Variants in PLXDC1 observed in about 807,000 individuals in gnomAD.
The protein encoded by PLXDC1 is plexin domain-containing protein 1.
Under a neutral mutation model 61.3 loss-of-function variants are expected in PLXDC1, and 39 were observed. The ratio of observed to expected loss-of-function variants is 0.64; its 90% CI spans 0.49 to 0.83. The LOEUF is 0.83. PLXDC1 is among the 40% of genes least tolerant of loss of function. The probability of loss-of-function intolerance (pLI) is 0.00; values close to 1 mark genes in which losing one functional copy is unlikely to be tolerated. For synonymous variants in PLXDC1, 212 were observed against 254.5 expected, an observed-to-expected ratio of 0.83 and a Z score of 1.59; for missense variants, 596 against 666.5, an observed-to-expected ratio of 0.89 and a Z score of 1.17.
intron 7 of PLXDC1, among the ~76,000 whole-genome samples, chr17:39,103,572 G>A (rs1233983609): frequency 4.6e-5 from 7 of 151,964 alleles, no homozygotes; most frequent in South Asian, 2.1e-4. Flanking sequence ...ATGGCTGGGC[G>A]CGGTGGCTGA....
chr17:39,113,761 G>A (rs924492890), intron 2 of PLXDC1, among the ~76,000 whole-genome samples: 1 of 152,024 alleles, frequency 6.6e-6, no homozygotes, highest in African/African-American at 2.4e-5. Context: ...TGAGGCAGGA[G>A]GATCCCTTAA....
intron 1 of PLXDC1, among the ~76,000 whole-genome samples, chr17:39,142,113 C>T (rs1011350753): frequency 1.3e-5 from 2 of 152,156 alleles, no homozygotes; most frequent in African/African-American, 4.8e-5. Flanking sequence ...AGTAGCACCA[C>T]GCTCCTCCCC....
At chr17:39,138,586 A>C (rs1285061758) in intron 2 of PLXDC1, among the ~76,000 whole-genome samples, 2 of 152,098 alleles carry the variant, frequency 1.3e-5, no homozygotes, top group African/African-American at 4.8e-5. Flanking sequence ...GTATAAGCAA[A>C]TCCCTTGGAA....
chr17:39,106,073 C>T (rs1910582332), intron 6 of PLXDC1, 120 bp from the exon 7 acceptor site: 5 of 623,324 alleles, frequency 8.0e-6, no homozygotes, highest in Non-Finnish European at 1.4e-5. Flanking sequence ...GACTCCAAGA[C>T]ATTGGAAGCC....
chr17:39,114,330 C>T lies in PLXDC1; in HGVS notation c.256-4939G>A, dbSNP rs139999214. Reference sequence around the variant, plus strand: ...GTTGTCTGCCTCAGGACCTTGGTGCCGCCTGTGCCTCAAAATTTCTTCCCT... The same window carrying T: ...GTTGTCTGCCTCAGGACCTTGGTGCTGCCTGTGCCTCAAAATTTCTTCCCT... On this transcript the variant is annotated intron_variant, in intron 2 of 13. Coordinates refer to ENST00000315392, the MANE Select transcript of PLXDC1 (RefSeq NM_020405.5). Among the ~76,000 whole-genome samples the T allele has an allele frequency of 4.2e-3, 636 of 152,296 alleles. 1 individual carries two copies. Among genetic ancestry groups the T allele is most frequent in the Non-Finnish European group, 6.5e-3 (440 of 68,032 alleles).
rs116249003 is a variant in PLXDC1 at position 39,099,706 on chromosome 17, C to T, written c.811+6148G>A. The stretch of plus-strand genomic sequence containing the variant: ...GCTGTGTGACCAAGGATAAGTCACT[C>T]TACCTCTCTGAACATTTGTGTCCTC... On this transcript the variant is annotated intron_variant, in intron 7 of 13. Coordinates refer to ENST00000315392, the MANE Select transcript of PLXDC1 (RefSeq NM_020405.5). 3.7e-3 allele frequency among the ~76,000 whole-genome samples: 561 copies of T among 152,318 alleles called. 3 individuals are homozygous for T. Among genetic ancestry groups the T allele is most frequent in the African/African-American group, 0.012 (509 of 41,568 alleles).
upstream of PLXDC1, chr17:39,152,866 G>A: frequency 2.3e-6 from 1 of 429,956 alleles, no homozygotes; most frequent in Non-Finnish European, 3.9e-6. Context: ...TCCTCCTTCC[G>A]CCGGGCCCAG....
rs3025190 is a variant in PLXDC1, at chr17:39,150,440, A to G, written c.76+922T>C. Among the ~76,000 whole-genome samples, 1,022 of 152,224 alleles carry G rather than the reference A, an allele frequency of 6.7e-3. 13 individuals carry two copies. Among genetic ancestry groups the G allele is most frequent in the African/African-American group, 0.023 (959 of 41,514 alleles). ...CCCCACCTGAGGGGCACCCATGCCAATGATGCACAGGTATCTATCTTCTTA... is the reference window on the plus strand; with the variant it reads ...CCCCACCTGAGGGGCACCCATGCCAGTGATGCACAGGTATCTATCTTCTTA... On this transcript the variant is annotated intron_variant, in intron 1 of 13. Coordinates refer to ENST00000315392, the MANE Select transcript of PLXDC1 (RefSeq NM_020405.5).
At chr17:39,082,593 T>C (rs1334864546) in intron 9 of PLXDC1, among the ~76,000 whole-genome samples, 6 of 148,414 alleles carry the variant, frequency 4.0e-5, no homozygotes, top group African/African-American at 1.2e-4. Flanking sequence ...GAAAGGAGCA[T>C]TGGAAAGGAG....
chr17:39,126,778 A>C (rs1911322782), intron 2 of PLXDC1: 1 of 152,212 alleles, frequency 6.6e-6, no homozygotes, highest in Non-Finnish European at 1.5e-5. Flanking sequence ...GTACCCGGAG[A>C]CGTGAAGAGA....
At chr17:39,098,558 G>T (rs1373202544) in intron 7 of PLXDC1, among the ~76,000 whole-genome samples, 1 of 152,206 alleles carries the variant, frequency 6.6e-6, no homozygotes, top group Non-Finnish European at 1.5e-5. Flanking sequence ...AGCTGGGGAG[G>T]ACAATAAGTT....
chr17:39,087,639 C>G lies in PLXDC1; in HGVS notation c.875G>C (p.Ser292Thr), dbSNP rs1909791400. ...RIELDPSKVT[S>T]MSAVEFTPLP... is the part of the protein sequence containing the mutation. ...TGGGGTGAACTCCACGGCCGACATG[C>G]TGGTGACCTTGCTGGGGTCCAGCTC... Residue 292 changes from serine to threonine, a missense_variant, in exon 8 of 14, where the codon AGC (serine) becomes ACC (threonine). Transcript: ENST00000315392. 1 of 1,614,010 alleles carries G rather than the reference C, an allele frequency of 6.2e-7. No homozygotes were observed. Among genetic ancestry groups the G allele is most frequent in the Non-Finnish European group, 8.5e-7 (1 of 1,179,998 alleles).
Position 39,139,586 on chromosome 17 carries a change from C to G in PLXDC1, c.255+68G>C, listed in dbSNP as rs1231202264. 6.3e-6 allele frequency: 9 copies of G among 1,426,520 alleles called. No individual in the cohort carries two copies. In the East Asian group the frequency reaches 2.1e-4, roughly 33 times the overall value. 88.4% of individuals were successfully genotyped at this position (1,426,520 alleles called of 1,614,324 possible). ...GTGATTTGCATGTAGGACAAGCACA[C>G]CTGGGGCAGCTGGTGAGACCTCCCC... On this transcript the variant is annotated intron_variant, in intron 2 of 13. Coordinates refer to ENST00000315392, the MANE Select transcript of PLXDC1 (RefSeq NM_020405.5).
intron 10 of PLXDC1, 115 bp downstream of exon 10, chr17:39,078,989 A>G: frequency 1.2e-6 from 1 of 806,410 alleles, no homozygotes; most frequent in East Asian, 2.5e-5. Context: ...AAGGGAGGAT[A>G]TTGCCAAGAG....
chr17:39,064,673 C>T lies in PLXDC1; in HGVS notation c.*3167G>A, dbSNP rs1908828909. The T allele has an allele frequency of 6.6e-6, 1 of 152,118 alleles. No individual in the cohort carries two copies. The highest frequency in any genetic ancestry group is 1.5e-5 in the Non-Finnish European group (1 of 68,066). The allele number at this position is 152,118 out of a possible 1,614,324, so 9.4% of individuals were successfully genotyped here. On this transcript the variant is annotated 3_prime_UTR_variant, in exon 14 of 14. Transcript: ENST00000315392. ...GTTTTCCAGTTGCTCCGTGGTTTATCCTTTGTGAAGATGCAAGTGACAATC... is the reference window on the plus strand; with the variant it reads ...GTTTTCCAGTTGCTCCGTGGTTTATTCTTTGTGAAGATGCAAGTGACAATC...
Position 39,067,444 on chromosome 17 carries a change from A to C in PLXDC1, c.*396T>G, listed in dbSNP as rs1408612267. 6.2e-6 allele frequency: 1 copy of C among 162,064 alleles called. No homozygotes were observed. The highest frequency in any genetic ancestry group is 2.4e-5 in the African/African-American group (1 of 41,746). The allele number at this position is 162,064 out of a possible 1,614,324, so 10.0% of individuals were successfully genotyped here. A position where few individuals can be genotyped will look rare whatever the true frequency, so the allele number is the denominator to read the frequency against. ...CCTTTAATCCCAGAGTTAGTTTTGCAAACGGCATGATTCCTGTTTTTGCGT... is the reference window on the plus strand; with the variant it reads ...CCTTTAATCCCAGAGTTAGTTTTGCCAACGGCATGATTCCTGTTTTTGCGT... On this transcript the variant is annotated 3_prime_UTR_variant, in exon 14 of 14. Transcript: ENST00000315392.
intron 1 of PLXDC1, among the ~76,000 whole-genome samples, chr17:39,143,856 C>T (rs1912009478): frequency 6.6e-6 from 1 of 152,150 alleles, no homozygotes; most frequent in Non-Finnish European, 1.5e-5. Context: ...AGCCTGCCCA[C>T]TGCCCAGGCC....
intron 2 of PLXDC1, among the ~76,000 whole-genome samples, chr17:39,134,073 C>T (rs187263389): frequency 5.5e-4 from 83 of 151,962 alleles, no homozygotes; most frequent in African/African-American, 1.9e-3. Flanking sequence ...CTGGCTAACA[C>T]GGTGAAACCC....
chr17:39,091,629 C>T (rs916917878), intron 7 of PLXDC1, among the ~76,000 whole-genome samples: 23 of 152,092 alleles, frequency 1.5e-4, no homozygotes, highest in Non-Finnish European at 2.6e-4. Flanking sequence ...AGATGAGCTA[C>T]AGCTGCAGAG....
Sources: allele counts gnomAD v4.1 joint callset (sites outside exome capture counted in the v4.1 genomes callset), GRCh38; gene constraint gnomAD v4.1.1; transcripts MANE v1.5; gene names NCBI Gene and HGNC (gene_info 2026-07-23, HGNC 2026-07-21).